Variants in CHCHD3 observed in about 807,000 individuals in gnomAD.
CHCHD3 encodes coiled-coil-helix-coiled-coil-helix domain containing 3, also known as MICOS complex subunit MIC19.
CHCHD3 carries 20 observed loss-of-function variants against 38.2 expected under a neutral mutation model. That is an observed-to-expected ratio of 0.52 (90% CI 0.37 to 0.76). The LOEUF (loss-of-function observed/expected upper bound fraction) is 0.76, where lower values mean the gene tolerates loss of function less well. Ranked by LOEUF, CHCHD3 falls within the 30% of genes least tolerant of loss-of-function variation. The pLI, the probability that CHCHD3 is intolerant of heterozygous loss-of-function variation, is 0.00. For synonymous variants in CHCHD3, 82 were observed against 100.0 expected (o/e 0.82, Z 1.07); for missense variants, 245 against 279.2 (o/e 0.88, Z 0.87).
At position 132,974,868 on chromosome 7, in the gene CHCHD3, C is replaced by T. The variant is rs570472358; in HGVS notation, c.369+301G>A. 1.6e-4 allele frequency among the ~76,000 whole-genome samples: 24 copies of T among 150,440 alleles called. No homozygotes were observed. In the South Asian group the frequency reaches 3.0e-3, roughly 19 times the overall value. ...TAGCCTAGGCGACAGAGCAAGACTCCGTCTCAAAAAAAAAAAGGAAAGAAA... is the reference window on the plus strand; with the variant it reads ...TAGCCTAGGCGACAGAGCAAGACTCTGTCTCAAAAAAAAAAAGGAAAGAAA... On this transcript the variant is annotated intron_variant, in intron 4 of 7. Transcript: ENST00000262570.
chr7:133,024,482 T>C (rs1813277474), intron 3 of CHCHD3, 64 bp downstream of exon 3: 1 of 1,119,514 alleles, frequency 8.9e-7, no homozygotes, highest in Non-Finnish European at 1.4e-6. Context: ...ATCATTCTTC[T>C]CTAAAAATAC....
chr7:132,869,955 T>C (rs141517064), intron 5 of CHCHD3, among the ~76,000 whole-genome samples: 40 of 152,168 alleles, frequency 2.6e-4, no homozygotes, highest in African/African-American at 6.5e-4. Context: ...TTATATAAGC[T>C]TAATTGTAGG....
chr7:132,875,858 A>C (rs1468437314), intron 5 of CHCHD3, among the ~76,000 whole-genome samples: 1 of 152,224 alleles, frequency 6.6e-6, no homozygotes, highest in Non-Finnish European at 1.5e-5. Flanking sequence ...TGCCAACCTT[A>C]CTGTGCAAAC....
At chr7:133,029,801 G>A (rs1813450458) in intron 2 of CHCHD3, among the ~76,000 whole-genome samples, 1 of 152,116 alleles carries the variant, frequency 6.6e-6, no homozygotes, top group Non-Finnish European at 1.5e-5. Context: ...GTGAGAAAGA[G>A]ATACAGATTA....
At chr7:133,036,137 C>T (rs949954073) in intron 2 of CHCHD3, 2 of 589,774 alleles carry the variant, frequency 3.4e-6, no homozygotes, top group East Asian at 5.9e-5. Flanking sequence ...CAACTCTCAC[C>T]CCATGACCCC....
intron 2 of CHCHD3, among the ~76,000 whole-genome samples, chr7:133,045,828 G>T (rs1024269091): frequency 6.6e-6 from 1 of 152,002 alleles, no homozygotes. Context: ...AGATCTAGTC[G>T]TTTAAAAGTG....
chr7:132,998,683 C>A (rs893051171), intron 3 of CHCHD3, among the ~76,000 whole-genome samples: 1 of 152,132 alleles, frequency 6.6e-6, no homozygotes, highest in Non-Finnish European at 1.5e-5. Flanking sequence ...TTTGATTACT[C>A]CTGTTTTTAA....
At chr7:132,822,413 A>G (rs1483316085) in intron 6 of CHCHD3, among the ~76,000 whole-genome samples, 2 of 152,032 alleles carry the variant, frequency 1.3e-5, no homozygotes, top group Non-Finnish European at 1.5e-5. Flanking sequence ...ACAAAACATG[A>G]TTTCCTTTTT....
At chr7:132,819,470 G>A (rs1281033865) in intron 6 of CHCHD3, among the ~76,000 whole-genome samples, 2 of 151,980 alleles carry the variant, frequency 1.3e-5, no homozygotes, top group Non-Finnish European at 2.9e-5. Flanking sequence ...AGGAGTCTAA[G>A]TTAAGAAGCA....
chr7:132,936,328 A>G (rs993605885), intron 4 of CHCHD3, among the ~76,000 whole-genome samples: 5 of 152,228 alleles, frequency 3.3e-5, no homozygotes, highest in African/African-American at 9.6e-5. Context: ...AGCTGCTACC[A>G]AAGTAAAAAC....
chr7:132,869,672 C>T (rs1280002964), intron 5 of CHCHD3, among the ~76,000 whole-genome samples: 1 of 152,136 alleles, frequency 6.6e-6, no homozygotes, highest in Non-Finnish European at 1.5e-5. Flanking sequence ...CAGCCTTGAC[C>T]TTCTGGGCTC....
At chr7:133,003,192 T>C (rs1389517111) in intron 3 of CHCHD3, among the ~76,000 whole-genome samples, 1 of 152,074 alleles carries the variant, frequency 6.6e-6, no homozygotes, top group Admixed American at 6.6e-5. Context: ...AGAGACAATG[T>C]GAAACACGAC....
At chr7:132,809,125 A>AT (rs35514520) in intron 6 of CHCHD3, among the ~76,000 whole-genome samples, 26,555 of 131,436 alleles carry the variant, frequency 0.2, 2,965 homozygotes, top group East Asian at 0.43. Flanking sequence ...AATTTTTGTG[A>AT]TTTTTTTTTT....
chr7:132,956,028 A>G (rs1464147028), intron 4 of CHCHD3, among the ~76,000 whole-genome samples: 1 of 152,240 alleles, frequency 6.6e-6, no homozygotes, highest in African/African-American at 2.4e-5. Context: ...GAGCCTGACT[A>G]AAGTTTTGCT....
intron 5 of CHCHD3, among the ~76,000 whole-genome samples, chr7:132,846,313 C>A (rs1430861505): frequency 6.6e-6 from 1 of 152,224 alleles, no homozygotes; most frequent in Non-Finnish European, 1.5e-5. Context: ...GGGAGAGAGA[C>A]TACAGGCTAT....
intron 4 of CHCHD3, among the ~76,000 whole-genome samples, chr7:132,915,468 C>G (rs1810079846): frequency 6.6e-6 from 1 of 152,176 alleles, no homozygotes; most frequent in African/African-American, 2.4e-5. Flanking sequence ...CGTCCCCTCC[C>G]TTATCTATCC....
intron 4 of CHCHD3, among the ~76,000 whole-genome samples, chr7:132,898,399 A>G (rs566364096): frequency 3.6e-4 from 55 of 152,202 alleles, no homozygotes; most frequent in Non-Finnish European, 7.1e-4. Context: ...CAGATTAGCT[A>G]GATACAGAGT....
intron 4 of CHCHD3, among the ~76,000 whole-genome samples, chr7:132,898,836 G>C (rs1369868116): frequency 6.6e-6 from 1 of 152,252 alleles, no homozygotes; most frequent in African/African-American, 2.4e-5. Flanking sequence ...ACCCTCTGCA[G>C]CCACTGGCCC....
At chr7:132,916,672 C>T (rs10229598) in intron 4 of CHCHD3, among the ~76,000 whole-genome samples, 168 of 152,290 alleles carry the variant, frequency 1.1e-3, no homozygotes, top group African/African-American at 3.8e-3. Flanking sequence ...CCTCAACCTC[C>T]GGGGCTTCAA....
Sources: allele counts gnomAD v4.1 joint callset (sites outside exome capture counted in the v4.1 genomes callset), GRCh38; gene constraint gnomAD v4.1.1; transcripts MANE v1.5; gene names NCBI Gene and HGNC (gene_info 2026-07-23, HGNC 2026-07-21).